The following B3GALT1 variants were observed in gnomAD, a reference collection of about 807,000 sequenced individuals.
B3GALT1 encodes UDP-Gal:betaGlcNAc beta 1,3-galactosyltransferase, polypeptide 1.
Under a neutral mutation model 23.2 loss-of-function variants are expected in B3GALT1, and 10 were observed. The observed-to-expected ratio is 0.43, with a 90% confidence interval of 0.27 to 0.73. The LOEUF (loss-of-function observed/expected upper bound fraction) is 0.73. B3GALT1 is among the 30% of genes least tolerant of loss of function. B3GALT1 has a pLI of 0.21. For missense variants in B3GALT1, 299 were observed against 405.4 expected, an observed-to-expected ratio of 0.74 and a Z score of 2.25; for synonymous variants, 156 against 141.5, an observed-to-expected ratio of 1.10 and a Z score of -0.73.
At chr2:167,453,532 T>G (rs1699120435) in intron 1 of B3GALT1, among the ~76,000 whole-genome samples, 1 of 152,176 alleles carries the variant, frequency 6.6e-6, no homozygotes, top group African/African-American at 2.4e-5. Context: ...GAAACATGGT[T>G]GTTTAGAAGA....
intron 1 of B3GALT1, among the ~76,000 whole-genome samples, chr2:167,325,254 G>A (rs75205205): frequency 0.034 from 5,204 of 151,710 alleles, 251 homozygotes; most frequent in African/African-American, 0.11. Context: ...GTTTGTTCTT[G>A]CATTGCTATG....
intron 2 of B3GALT1, among the ~76,000 whole-genome samples, chr2:167,638,091 A>T (rs1212825412): frequency 6.6e-6 from 1 of 152,082 alleles, no homozygotes; most frequent in Non-Finnish European, 1.5e-5. Context: ...AAGACCAATA[A>T]GTGGCATATT....
At chr2:167,456,815 A>C (rs920820793) in intron 1 of B3GALT1, among the ~76,000 whole-genome samples, 3 of 152,184 alleles carry the variant, frequency 2.0e-5, no homozygotes, top group Non-Finnish European at 4.4e-5. Flanking sequence ...CATCCTCTCA[A>C]GATCTCCATG....
intron 2 of B3GALT1, among the ~76,000 whole-genome samples, chr2:167,644,779 TA>T (rs199652424): frequency 0.58 from 50,106 of 86,760 alleles, 14,002 homozygotes; most frequent in Admixed American, 0.68. Context: ...GACTCTGTCT[TA>T]AAAAAAAAAA....
In B3GALT1 at chr2:167,512,596, ATATATATATATGTATATATATATACGTG is replaced by A. The variant is rs1553463279; in HGVS notation, c.-410+22331_-410+22358del. Reference sequence around the variant, plus strand: ...TATATATATGTATATATATATGTGTATATATATATATGTATATATATATACGTGTATATATATATACATATATATATAT... The same window carrying A: ...TATATATATGTATATATATATGTGTATATATATATATACATATATATATAT... On this transcript the variant is annotated intron_variant, in intron 2 of 4. Coordinates refer to ENST00000392690, the MANE Select transcript of B3GALT1 (RefSeq NM_020981.4). 4.2e-4 allele frequency among the ~76,000 whole-genome samples: 32 copies of A among 75,326 alleles called. 3 individuals carry two copies. Among genetic ancestry groups the A allele is most frequent in the African/African-American group, 2.4e-3 (29 of 12,024 alleles). 49.4% of individuals were successfully genotyped at this position (75,326 alleles called of 152,430 possible).
chr2:167,492,361 T>C (rs559209270), intron 2 of B3GALT1, among the ~76,000 whole-genome samples: 1 of 152,350 alleles, frequency 6.6e-6, no homozygotes, highest in African/African-American at 2.4e-5. Context: ...GGATGTACCA[T>C]AGTTTACCCA....
At chr2:167,313,438 A>G (rs1024678383) in intron 1 of B3GALT1, among the ~76,000 whole-genome samples, 1 of 152,164 alleles carries the variant, frequency 6.6e-6, no homozygotes, top group Non-Finnish European at 1.5e-5. Flanking sequence ...ATTTAAACAT[A>G]AAGAGATACC....
chr2:167,676,894 A>C (rs896148163), intron 3 of B3GALT1, among the ~76,000 whole-genome samples: 3 of 152,246 alleles, frequency 2.0e-5, no homozygotes, highest in Non-Finnish European at 2.9e-5. Context: ...AGTTCTATAT[A>C]GTCTTTACTA....
chr2:167,606,936 A>G (rs1231837556), intron 2 of B3GALT1, among the ~76,000 whole-genome samples: 1 of 152,188 alleles, frequency 6.6e-6, no homozygotes, highest in Non-Finnish European at 1.5e-5. Flanking sequence ...GAAGAGTCTC[A>G]GTTTGTAGCA....
chr2:167,737,406 A>T (rs919218425), intron 3 of B3GALT1, among the ~76,000 whole-genome samples: 1 of 152,262 alleles, frequency 6.6e-6, no homozygotes, highest in African/African-American at 2.4e-5. Context: ...TCAAATAATT[A>T]TATTCAAAAG....
At position 167,581,950 on chromosome 2, in the gene B3GALT1, A is replaced by C. The variant is rs80224963; in HGVS notation, c.-409-64959A>C. 3.2e-3 allele frequency among the ~76,000 whole-genome samples: 488 copies of C among 152,244 alleles called. 1 individual carries two copies. The highest frequency in any genetic ancestry group is 4.3e-3 in the Non-Finnish European group (292 of 68,018). On this transcript the variant is annotated intron_variant, in intron 2 of 4. Coordinates refer to ENST00000392690, the MANE Select transcript of B3GALT1 (RefSeq NM_020981.4). ...ACTGAATGTGCCCTGTCTTCTGTGC[A>C]TATGTGTACTGGTGAAACTGCAATG...
At chr2:167,630,431 T>C (rs771460483) in intron 2 of B3GALT1, among the ~76,000 whole-genome samples, 1 of 151,812 alleles carries the variant, frequency 6.6e-6, no homozygotes, top group Non-Finnish European at 1.5e-5. Flanking sequence ...AGAAATCAAT[T>C]GATGACAATT....
chr2:167,839,178 G>A (rs1405906135), intron 4 of B3GALT1, among the ~76,000 whole-genome samples: 2 of 152,116 alleles, frequency 1.3e-5, no homozygotes, highest in South Asian at 2.1e-4. Context: ...TTCTGGCCAG[G>A]GCAATTAGTC....
intron 2 of B3GALT1, among the ~76,000 whole-genome samples, chr2:167,513,269 T>C (rs1310056267): frequency 1.4e-5 from 2 of 141,390 alleles, no homozygotes; most frequent in East Asian, 2.1e-4. Flanking sequence ...TCACCTAACA[T>C]GGAGAATGGG....
At chr2:167,830,454 C>G (rs1310765388) in intron 4 of B3GALT1, among the ~76,000 whole-genome samples, 1 of 151,970 alleles carries the variant, frequency 6.6e-6, no homozygotes, top group Non-Finnish European at 1.5e-5. Context: ...TGCTTTCAGG[C>G]TTTCACGTGA....
intron 2 of B3GALT1, among the ~76,000 whole-genome samples, chr2:167,601,185 G>A (rs191746430): frequency 4.0e-5 from 6 of 151,694 alleles, no homozygotes; most frequent in Admixed American, 2.6e-4. Context: ...TCAGCCTCTC[G>A]AGTAGCTGGA....
At chr2:167,492,877 ATGTGTG>A (rs61117741) in intron 2 of B3GALT1, among the ~76,000 whole-genome samples, 89 of 149,204 alleles carry the variant, frequency 6.0e-4, no homozygotes, top group African/African-American at 1.9e-3. Flanking sequence ...GTATTTAGAG[ATGTGTG>A]TGTGTGTGTG....
At chr2:167,457,069 A>G (rs1379170948) in intron 1 of B3GALT1, among the ~76,000 whole-genome samples, 1 of 152,172 alleles carries the variant, frequency 6.6e-6, no homozygotes, top group Non-Finnish European at 1.5e-5. Context: ...AGACACTATT[A>G]TCACACCTGA....
chr2:167,354,972 A>G (rs1697378425), intron 1 of B3GALT1, among the ~76,000 whole-genome samples: 1 of 152,220 alleles, frequency 6.6e-6, no homozygotes, highest in African/African-American at 2.4e-5. Context: ...TGTTTTGCTT[A>G]TTAGACACCT....
Sources: gnomAD v4.1 joint callset for allele counts (sites outside exome capture counted in the v4.1 genomes callset) on GRCh38, gnomAD v4.1.1 for gene constraint, MANE v1.5 for transcripts, NCBI Gene and HGNC (gene_info 2026-07-23, HGNC 2026-07-21) for gene names.